IFT88: variants seen among roughly 807,000 people sequenced by gnomAD.
IFT88 encodes intraflagellar transport 88, also known as intraflagellar transport protein 88 homolog.
Under a neutral mutation model 119.5 loss-of-function variants are expected in IFT88, and 74 were observed. The ratio of observed to expected loss-of-function variants is 0.62; its 90% CI spans 0.51 to 0.75. The LOEUF (loss-of-function observed/expected upper bound fraction) is 0.75. Ranked by LOEUF, IFT88 falls within the 30% of genes least tolerant of loss-of-function variation. The probability of loss-of-function intolerance (pLI) is 0.00; values close to 1 mark genes in which losing one functional copy is unlikely to be tolerated. For synonymous variants in IFT88, 279 were observed against 316.7 expected (o/e 0.88, Z 1.26); for missense variants, 961 against 977.7 (o/e 0.98, Z 0.23).
At chr13:20,627,397 G>C (rs1393989560) in intron 15 of IFT88, among the ~76,000 whole-genome samples, 6 of 152,180 alleles carry the variant, frequency 3.9e-5, no homozygotes, top group African/African-American at 1.4e-4. Context: ...ATGTCTGCTA[G>C]TTTTCCTTTG....
At chr13:20,640,151 G>A (rs2049651752) in intron 17 of IFT88, among the ~76,000 whole-genome samples, 1 of 151,918 alleles carries the variant, frequency 6.6e-6, no homozygotes, top group Non-Finnish European at 1.5e-5. Context: ...GCTTTATGAA[G>A]CCCTTCTTAA....
chr13:20,637,552 C>T (rs1338916947), intron 16 of IFT88, among the ~76,000 whole-genome samples: 1 of 152,128 alleles, frequency 6.6e-6, no homozygotes, highest in Non-Finnish European at 1.5e-5. Context: ...GGGACCACAG[C>T]CAAACCCTAT....
intron 7 of IFT88, 21 bp from the exon 8 acceptor site, chr13:20,596,129 A>G (rs767389351): frequency 5.4e-6 from 5 of 924,518 alleles, no homozygotes; most frequent in East Asian, 5.7e-5. Flanking sequence ...TTTAAATTGT[A>G]CCTGCTTTTG....
chr13:20,607,779 C>T, intron 13 of IFT88: 2 of 745,914 alleles, frequency 2.7e-6, no homozygotes, highest in South Asian at 1.4e-5. Context: ...TCAGCATCCT[C>T]AACCTCGTCA....
In IFT88 at chr13:20,679,431, G is replaced by A. The variant is rs1210304029; in HGVS notation, c.2242+8392G>A. Among the ~76,000 whole-genome samples, 4 of 152,208 alleles carry A rather than the reference G, an allele frequency of 2.6e-5. No homozygotes were observed. In the South Asian group the frequency reaches 8.3e-4, roughly 32 times the overall value. On this transcript the variant is annotated intron_variant, in intron 24 of 25. Transcript: ENST00000351808. ...AAAATTAAAGTGGCAATTAAACGCCGAGAGTGCCTCAAAATCTATCGAAGA... is the reference window on the plus strand; with the variant it reads ...AAAATTAAAGTGGCAATTAAACGCCAAGAGTGCCTCAAAATCTATCGAAGA...
intron 3 of IFT88, among the ~76,000 whole-genome samples, chr13:20,585,897 C>T (rs1255066235): frequency 6.6e-6 from 1 of 152,176 alleles, no homozygotes; most frequent in Non-Finnish European, 1.5e-5. Flanking sequence ...GGCTCTGAGT[C>T]CTTGCACTAG....
At chr13:20,590,836 C>T (rs562831341) in intron 4 of IFT88, 131 bp from the exon 5 acceptor site, 28 of 630,010 alleles carry the variant, frequency 4.4e-5, no homozygotes, top group Non-Finnish European at 7.8e-5. Flanking sequence ...CCCTATACGC[C>T]CAGGAGGTAC....
chr13:20,579,568 G>A (rs1310343489), intron 2 of IFT88, among the ~76,000 whole-genome samples: 4 of 152,210 alleles, frequency 2.6e-5, no homozygotes. Flanking sequence ...CTGGCTCAGG[G>A]TAGGTCCAGA....
In IFT88 at chr13:20,567,217, C is replaced by T. The variant is rs1031646346; in HGVS notation, c.-46C>T. On this transcript the variant is annotated 5_prime_UTR_variant, in exon 1 of 26. Transcript: ENST00000351808. ...GCTTTGGCCAACCGCTGCGTCGTCC[C>T]TGGGCCCGAATAACTGTCGCCCGCT... 5 of 152,482 alleles carry T rather than the reference C, an allele frequency of 3.3e-5. No individual in the cohort carries two copies. Among genetic ancestry groups the T allele is most frequent in the Non-Finnish European group, 5.9e-5 (4 of 68,134 alleles). The allele number at this position is 152,482 out of a possible 1,614,324, so 9.4% of individuals were successfully genotyped here.
At chr13:20,592,156 AT>A (rs2040787965) in intron 6 of IFT88, among the ~76,000 whole-genome samples, 178 bp from the exon 7 acceptor site, 1 of 152,170 alleles carries the variant, frequency 6.6e-6, no homozygotes, top group South Asian at 2.1e-4. Flanking sequence ...AATCTTACCA[AT>A]TTCCCAGTAT....
chr13:20,591,755 ACT>A, intron 6 of IFT88, 74 bp downstream of exon 6: 1 of 942,310 alleles, frequency 1.1e-6, no homozygotes, highest in South Asian at 1.5e-5. Context: ...TATAAATATT[ACT>A]GTCATTTTAA....
chr13:20,599,167 T>C (rs1235525641), intron 10 of IFT88, among the ~76,000 whole-genome samples: 1 of 152,082 alleles, frequency 6.6e-6, no homozygotes, highest in Non-Finnish European at 1.5e-5. Context: ...AACTTTTAAA[T>C]GTCTTTAAGT....
rs768519639 is a variant in IFT88 at position 20,601,791 on chromosome 13, G to GC, written c.900dup (p.Met301HisfsTer39). 6 of 1,613,372 alleles carry GC rather than the reference G, an allele frequency of 3.7e-6. No individual in the cohort carries two copies. The highest frequency in any genetic ancestry group is 5.1e-6 in the Non-Finnish European group (6 of 1,179,484). On this transcript the variant is annotated frameshift_variant, in exon 12 of 26. Coordinates refer to ENST00000351808, the MANE Select transcript of IFT88 (RefSeq NM_006531.5). LOFTEE classifies it high-confidence loss of function. ...ATTAATTCATATGAGCACATAATGA[G>GC]CATGGCACCAAATCTGAAGGCAGGC...
chr13:20,675,732 AACTT>A (rs1200341811), intron 24 of IFT88, among the ~76,000 whole-genome samples: 2 of 152,254 alleles, frequency 1.3e-5, no homozygotes, highest in Non-Finnish European at 2.9e-5. Flanking sequence ...TGTTCTATAA[AACTT>A]AATTCTTGGA....
At chr13:20,657,572 A>C (rs1451019209) in intron 22 of IFT88, among the ~76,000 whole-genome samples, 2 of 152,164 alleles carry the variant, frequency 1.3e-5, no homozygotes, top group Non-Finnish European at 2.9e-5. Context: ...CACAGTAGAT[A>C]CTTTCTTAAA....
chr13:20,602,014 GATGACT>G lies in IFT88; in HGVS notation c.1041+82_1041+87del. 9 of 776,706 alleles carry G rather than the reference GATGACT, an allele frequency of 1.2e-5. 1 individual carries two copies. In the South Asian group the frequency reaches 1.2e-4, roughly 11 times the overall value. 48.1% of individuals were successfully genotyped at this position (776,706 alleles called of 1,614,324 possible). ...TTTTCAGAATGAGAAAGCCAGAATA[GATGACT>G]TCTTGGGTTTTTCCCAGGCCTGTAT... On this transcript the variant is annotated intron_variant, in intron 12 of 25. Transcript: ENST00000351808.
At chr13:20,685,828 C>T (rs191387900) in intron 24 of IFT88, among the ~76,000 whole-genome samples, 13 of 152,294 alleles carry the variant, frequency 8.5e-5, no homozygotes, top group African/African-American at 2.6e-4. Context: ...TGCAGTGAGC[C>T]GAGATTGCGC....
intron 16 of IFT88, among the ~76,000 whole-genome samples, chr13:20,634,198 A>C (rs2048653826): frequency 6.6e-6 from 1 of 152,138 alleles, no homozygotes. Flanking sequence ...GTTTGTTATT[A>C]TTTTGTTGAA....
intron 14 of IFT88, among the ~76,000 whole-genome samples, chr13:20,620,275 G>A (rs1594293043): frequency 2.6e-5 from 4 of 151,980 alleles, no homozygotes; most frequent in Admixed American, 6.6e-5. Context: ...ATGGAAAATA[G>A]TTTACTTTTT....
Sources: allele counts gnomAD v4.1 joint callset (sites outside exome capture counted in the v4.1 genomes callset), GRCh38; gene constraint gnomAD v4.1.1; transcripts MANE v1.5; gene names NCBI Gene and HGNC (gene_info 2026-07-23, HGNC 2026-07-21).